Variants in CXXC1 observed in about 807,000 individuals in gnomAD.
CXXC1 encodes the protein CXXC finger protein 1.
CXXC1 carries 21 observed loss-of-function variants against 83.6 expected under a neutral mutation model. That is an observed-to-expected ratio of 0.25 (90% CI 0.18 to 0.36). The LOEUF (loss-of-function observed/expected upper bound fraction) is 0.36. Ranked by LOEUF, CXXC1 falls within the 10% of genes least tolerant of loss-of-function variation. The pLI is 1.00. For missense variants in CXXC1, 688 were observed against 919.5 expected, an observed-to-expected ratio of 0.75 and a Z score of 3.26; for synonymous variants, 371 against 337.5, an observed-to-expected ratio of 1.10 and a Z score of -1.09.
chr18:50,285,284 C>T lies in CXXC1; in HGVS notation c.667-37G>A. The T allele has an allele frequency of 6.2e-7, 1 of 1,611,704 alleles. No homozygotes were observed. Among genetic ancestry groups the T allele is most frequent in the African/African-American group, 1.3e-5 (1 of 75,026 alleles). On this transcript the variant is annotated intron_variant, in intron 6 of 14. Coordinates refer to ENST00000285106, the MANE Select transcript of CXXC1 (RefSeq NM_014593.4). The surrounding 1 kb of genome is among the most constrained non-coding windows in gnomAD (Gnocchi z 4.4). The stretch of plus-strand genomic sequence containing the variant: ...AATCTCAGGACTGGCCCTGACCGCC[C>T]TGCCCGCATGCCCCACCCCACCCTG...
chr18:50,282,642 A>C lies in CXXC1; in HGVS notation c.1922T>G (p.Ile641Ser). 1 of 1,612,650 alleles carries C rather than the reference A, an allele frequency of 6.2e-7. No homozygotes were observed. Among genetic ancestry groups the C allele is most frequent in the Non-Finnish European group, 8.5e-7 (1 of 1,179,996 alleles). Residue 641 changes from isoleucine (I) to serine (S), a missense_variant, in exon 15 of 15, where the codon ATC becomes AGC. Coordinates refer to ENST00000285106, the MANE Select transcript of CXXC1 (RefSeq NM_014593.4). The surrounding 1 kb of genome is among the most constrained non-coding windows in gnomAD (Gnocchi z 5.8). ...GTCGGTAGTGAGGGGATCGTGCTGG[A>C]TCGTCTGGTGCAGCATCAGGGCCAG... ...GLLALMLHQT[I>S]QHDPLTTDLR...
intron 3 of CXXC1, 63 bp from the exon 4 acceptor site, chr18:50,286,320 C>A (rs2040714068): frequency 7.0e-7 from 1 of 1,420,566 alleles, no homozygotes; most frequent in Admixed American, 1.9e-5. Flanking sequence ...GTCCCAAAAC[C>A]TCTTTCTTCC....
chr18:50,282,980 G>A lies in CXXC1; in HGVS notation c.1698C>T (p.Cys566=). 1 of 1,614,164 alleles carries A rather than the reference G, an allele frequency of 6.2e-7. No individual in the cohort carries two copies. The highest frequency in any genetic ancestry group is 1.1e-5 in the South Asian group (1 of 91,090). The change falls in exon 14 of 15, where the codon TGC becomes TGT. Residue 566 remains cysteine, a synonymous_variant. Coordinates refer to ENST00000285106, the MANE Select transcript of CXXC1 (RefSeq NM_014593.4). The surrounding 1 kb of genome is among the most constrained non-coding windows in gnomAD (Gnocchi z 5.8). ...GCTCAAAGACATCACGTACAAGGGGGCACCCGCATACCTCGTCAGCTGGCA... is the reference window on the plus strand; with the variant it reads ...GCTCAAAGACATCACGTACAAGGGGACACCCGCATACCTCGTCAGCTGGCA... The part of the protein sequence containing the change: ...PKVPADEVCG[C]PLVRDVFELT...
intron 13 of CXXC1, 129 bp from the exon 14 acceptor site, chr18:50,283,135 G>A: frequency 7.8e-7 from 1 of 1,280,562 alleles, no homozygotes; most frequent in South Asian, 1.2e-5. Flanking sequence ...AAGGAGGAAT[G>A]GAGGGTGAAG....
rs534928071 is a variant in CXXC1 at position 50,283,529 on chromosome 18, G to A, written c.1560C>T (p.Pro520=). The change falls in exon 12 of 15, where the codon CCC becomes CCT. Residue 520 remains proline (P), a synonymous_variant. Coordinates refer to ENST00000285106, the MANE Select transcript of CXXC1 (RefSeq NM_014593.4). The stretch of plus-strand genomic sequence containing the variant: ...CCCTCACTTACCCTTCAATGCGTGT[G>A]GGGTACATGGACCCAAAGGACGTCT... The part of the protein sequence containing the change: ...ESQTSFGSMY[P]TRIEGATRLF... 1.2e-6 allele frequency: 2 copies of A among 1,613,628 alleles called. No homozygotes were observed. The highest frequency in any genetic ancestry group is 2.7e-5 in the African/African-American group (2 of 74,826).
At chr18:50,283,217 G>A (rs760451777) in intron 13 of CXXC1, 48 bp downstream of exon 13, 1 of 1,490,538 alleles carries the variant, frequency 6.7e-7, no homozygotes, top group African/African-American at 1.4e-5. Flanking sequence ...GTGGGACAGC[G>A]AGGCAGGGAG....
chr18:50,284,212 G>T (rs888725815), intron 9 of CXXC1, 111 bp from the exon 10 acceptor site: 1 of 1,449,026 alleles, frequency 6.9e-7, no homozygotes, highest in Non-Finnish European at 9.4e-7. Flanking sequence ...GCGGAATGGT[G>T]GCTGGATGGA....
At chr18:50,284,595 G>A (rs373140476) in intron 8 of CXXC1, 33 bp from the exon 9 acceptor site, 2 of 1,582,818 alleles carry the variant, frequency 1.3e-6, no homozygotes, top group Admixed American at 1.7e-5. Context: ...TCAGGGTGGA[G>A]TCAAAGTCAG....
intron 3 of CXXC1, 96 bp downstream of exon 3, chr18:50,286,438 TCACCA>T: frequency 8.9e-7 from 1 of 1,125,890 alleles, no homozygotes; most frequent in Non-Finnish European, 1.3e-6. Flanking sequence ...CCATTCCAGC[TCACCA>T]CAGACGTGTA....
Position 50,287,318 on chromosome 18 carries a change from C to G in CXXC1, c.3+269G>C, listed in dbSNP as rs564718825. Reference sequence around the variant, plus strand: ...ACCACTCAATGTGACTCCTTACAACCCGCTTATCCCTCTGCCCTAAGAACC... The same window carrying G: ...ACCACTCAATGTGACTCCTTACAACGCGCTTATCCCTCTGCCCTAAGAACC... On this transcript the variant is annotated intron_variant, in intron 1 of 14. Transcript: ENST00000285106. 3 of 543,018 alleles carry G rather than the reference C, an allele frequency of 5.5e-6. No individual in the cohort carries two copies. The African/African-American group carries it at 5.7e-5, about 10-fold the overall frequency. The allele number at this position is 543,018 out of a possible 1,614,324, so 33.6% of individuals were successfully genotyped here.
Position 50,286,153 on chromosome 18 carries a change from T to C in CXXC1, c.328A>G (p.Lys110Glu), listed in dbSNP as rs2040710126. 6.2e-7 allele frequency: 1 copy of C among 1,613,808 alleles called. No homozygotes were observed. Among genetic ancestry groups the C allele is most frequent in the Non-Finnish European group, 8.5e-7 (1 of 1,179,972 alleles). ...SEPRDEGGGR[K>E]RPVPDPDLQR... Reference sequence around the variant, plus strand: ...AGGTCTGGATCAGGGACAGGCCTCTTGCGCCCTCCACCCTCATCCCGGGGC... The same window carrying C: ...AGGTCTGGATCAGGGACAGGCCTCTCGCGCCCTCCACCCTCATCCCGGGGC... Residue 110 changes from lysine (K) to glutamate (E), a missense_variant, in exon 4 of 15, where the codon AAG becomes GAG. Lys to Glu is a moderately conservative substitution (Grantham distance 56). This residue lies in a region of CXXC1 where 142 missense variants were observed against 150.7 expected (regional missense o/e 0.94). Transcript: ENST00000285106.
Position 50,282,792 on chromosome 18 carries a change from C to T in CXXC1, c.1825-53G>A. On this transcript the variant is annotated intron_variant, in intron 14 of 14. Transcript: ENST00000285106. This position sits in a 1 kb window ranked among gnomAD's most constrained non-coding sequence, Gnocchi z 5.8. Reference sequence around the variant, plus strand: ...GCAGGAACACCTGCAGCCCCGCCTGCCCCGGCCACGTCCGACATGGAAACC... The same window carrying T: ...GCAGGAACACCTGCAGCCCCGCCTGTCCCGGCCACGTCCGACATGGAAACC... The T allele has an allele frequency of 6.2e-7, 1 of 1,611,856 alleles. No homozygotes were observed. The highest frequency in any genetic ancestry group is 1.1e-5 in the South Asian group (1 of 90,958).
chr18:50,287,534 T>C, intron 1 of CXXC1, 53 bp downstream of exon 1: 1 of 1,608,676 alleles, frequency 6.2e-7, no homozygotes, highest in South Asian at 1.1e-5. Flanking sequence ...GACCCCACTG[T>C]TGCCAACCGA....
At chr18:50,283,111 G>T in intron 13 of CXXC1, 105 bp from the exon 14 acceptor site, 1 of 1,382,854 alleles carries the variant, frequency 7.2e-7, no homozygotes, top group Non-Finnish European at 1.0e-6. Flanking sequence ...AGGGAACGGT[G>T]AGGAGGCATG....
At chr18:50,284,221 G>A in intron 9 of CXXC1, 120 bp from the exon 10 acceptor site, 1 of 1,434,468 alleles carries the variant, frequency 7.0e-7, no homozygotes, top group South Asian at 1.3e-5. Flanking sequence ...TGGCTGGATG[G>A]ACACACGGGC....
chr18:50,283,064 G>A (rs2040590048), intron 13 of CXXC1, 58 bp from the exon 14 acceptor site: 5 of 1,581,774 alleles, frequency 3.2e-6, no homozygotes, highest in African/African-American at 1.3e-5. Flanking sequence ...ATAGGAATGG[G>A]GGCTCAAGGA....
chr18:50,282,862 C>T lies in CXXC1; in HGVS notation c.1816G>A (p.Val606Met), dbSNP rs778357700. The T allele has an allele frequency of 2.5e-6, 4 of 1,614,058 alleles. No individual in the cohort carries two copies. Among genetic ancestry groups the T allele is most frequent in the Admixed American group, 1.7e-5 (1 of 60,008 alleles). The change falls in exon 14 of 15, where the codon GTG (valine) becomes ATG (methionine). Residue 606 changes from valine (V) to methionine (M), a missense_variant. Val to Met is a conservative substitution (Grantham distance 21, BLOSUM62 1). Transcript: ENST00000285106. The surrounding 1 kb of genome is among the most constrained non-coding windows in gnomAD (Gnocchi z 5.8). ...LRRAEVDLER[V>M]RVWYKLDELF... Reference sequence around the variant, plus strand: ...ACCGCACAGAAACCTACCACACGCACGCGCTCCAAGTCCACTTCCGCACGC... The same window carrying T: ...ACCGCACAGAAACCTACCACACGCATGCGCTCCAAGTCCACTTCCGCACGC...
At chr18:50,287,543 G>A in intron 1 of CXXC1, 44 bp downstream of exon 1, 1 of 1,610,354 alleles carries the variant, frequency 6.2e-7, no homozygotes, top group South Asian at 1.1e-5. Flanking sequence ...GTTGCCAACC[G>A]ACCGACCTCC....
At chr18:50,286,406 T>C in intron 3 of CXXC1, 133 bp downstream of exon 3, 2 of 1,054,314 alleles carry the variant, frequency 1.9e-6, no homozygotes, top group Admixed American at 2.0e-5. Flanking sequence ...CCGTGGGATC[T>C]TCTATTACTC....
Sources: gnomAD v4.1 joint callset for allele counts on GRCh38, gnomAD v4.1.1 for gene constraint, gnomAD v4.1.1 regional missense constraint, Gnocchi (gnomAD v3.1) non-coding constraint, MANE v1.5 for transcripts, NCBI Gene and HGNC (gene_info 2026-07-23, HGNC 2026-07-21) for gene names.